Variants in VPS13A observed in about 807,000 individuals in gnomAD.
VPS13A encodes the protein vacuolar protein sorting 13 homolog A.
VPS13A carries 264 observed loss-of-function variants against 390.9 expected under a neutral mutation model. The ratio of observed to expected loss-of-function variants is 0.68; its 90% CI spans 0.61 to 0.75. The LOEUF is 0.75. Ranked by LOEUF, VPS13A falls within the 30% of genes least tolerant of loss-of-function variation. VPS13A has a pLI of 0.00. For missense variants in VPS13A, 3,409 were observed against 3,733.9 expected (o/e 0.91, Z 2.27); for synonymous variants, 1,231 against 1,227.1 (o/e 1.00, Z -0.07).
rs536693563 is a variant in VPS13A at position 77,213,712 on chromosome 9, C to T, written c.696+398C>T. Among the ~76,000 whole-genome samples, 4 of 151,858 alleles carry T rather than the reference C, an allele frequency of 2.6e-5. No individual in the cohort carries two copies. The East Asian group carries it at 7.8e-4, about 30-fold the overall frequency. ...AGACAAGGTCTCACTTTTTGTTGCC[C>T]AAATTTGTCTCAAACTCCTGGCCTC... On this transcript the variant is annotated intron_variant, in intron 9 of 71. Transcript: ENST00000360280.
At chr9:77,333,653 T>C (rs1386320157) in intron 46 of VPS13A, among the ~76,000 whole-genome samples, 2 of 151,984 alleles carry the variant, frequency 1.3e-5, no homozygotes, top group African/African-American at 4.8e-5. Flanking sequence ...ATCTAGGTAT[T>C]CTTTTAATCT....
At chr9:77,191,376 C>T (rs1824678404) in intron 1 of VPS13A, among the ~76,000 whole-genome samples, 1 of 151,480 alleles carries the variant, frequency 6.6e-6, no homozygotes, top group African/African-American at 2.4e-5. Context: ...TCACTGCAGC[C>T]TCCACCTTCC....
At chr9:77,254,126 G>T (rs1170039184) in intron 22 of VPS13A, among the ~76,000 whole-genome samples, 1 of 151,596 alleles carries the variant, frequency 6.6e-6, no homozygotes, top group African/African-American at 2.4e-5. Context: ...TGTATTTTTA[G>T]TAGAGATGGG....
At chr9:77,415,056 A>G (rs564295307) in intron 71 of VPS13A, among the ~76,000 whole-genome samples, 3 of 152,346 alleles carry the variant, frequency 2.0e-5, no homozygotes, top group Non-Finnish European at 4.4e-5. Flanking sequence ...AAAAGGAGCA[A>G]GTTACAAAGA....
In VPS13A at chr9:77,238,157, T is replaced by C. The variant is rs1824263584; in HGVS notation, c.1751T>C (p.Ile584Thr). ...GAAACTGTTTCTCAGAGGTGTATCA[T>C]AGAAGCTGAACCTTTAGAAATCATA... ...LDETVSQRCI[I>T]EAEPLEIIYD... is the part of the protein sequence containing the mutation. Residue 584 changes from isoleucine to threonine, a missense_variant, in exon 18 of 72, where the codon ATA becomes ACA. This residue lies in a region of VPS13A where 2,717 missense variants were observed against 2,917.4 expected (regional missense o/e 0.93). Coordinates refer to ENST00000360280, the MANE Select transcript of VPS13A (RefSeq NM_033305.3). 2 of 1,613,774 alleles carry C rather than the reference T, an allele frequency of 1.2e-6. No homozygotes were observed. Among genetic ancestry groups the C allele is most frequent in the East Asian group, 4.5e-5 (2 of 44,810 alleles).
chr9:77,371,925 G>C (rs1461642435), intron 67 of VPS13A, among the ~76,000 whole-genome samples: 1 of 142,792 alleles, frequency 7.0e-6, no homozygotes, highest in Non-Finnish European at 1.5e-5. Flanking sequence ...TCTTGCGATA[G>C]TTTACTGAGA....
intron 50 of VPS13A, among the ~76,000 whole-genome samples, chr9:77,342,699 T>G (rs1344344568): frequency 6.6e-6 from 1 of 152,210 alleles, no homozygotes; most frequent in East Asian, 1.9e-4. Context: ...CCAAGATATC[T>G]CATCATATAT....
intron 1 of VPS13A, among the ~76,000 whole-genome samples, chr9:77,181,252 G>A (rs748803424): frequency 6.6e-6 from 1 of 152,106 alleles, no homozygotes; most frequent in Non-Finnish European, 1.5e-5. Context: ...GCCAGGCATA[G>A]TGGCTCATGC....
chr9:77,301,222 T>C (rs1195370907), intron 33 of VPS13A, among the ~76,000 whole-genome samples: 1 of 152,172 alleles, frequency 6.6e-6, no homozygotes, highest in Non-Finnish European at 1.5e-5. Context: ...AATACAAGTA[T>C]TTATTATGGT....
intron 50 of VPS13A, among the ~76,000 whole-genome samples, chr9:77,343,364 A>T (rs12004088): frequency 8.1e-4 from 123 of 152,328 alleles, no homozygotes; most frequent in African/African-American, 2.7e-3. Context: ...CTTAGCTCTA[A>T]CAACCAGGTT....
At chr9:77,184,120 G>A (rs899616658) in intron 1 of VPS13A, among the ~76,000 whole-genome samples, 1 of 152,066 alleles carries the variant, frequency 6.6e-6, no homozygotes, top group Non-Finnish European at 1.5e-5. Context: ...AGTGTACATT[G>A]ACTGAGTTTT....
Position 77,260,191 on chromosome 9 carries a change from A to T in VPS13A, c.2394A>T (p.Val798=). 1 of 1,613,484 alleles carries T rather than the reference A, an allele frequency of 6.2e-7. No homozygotes were observed. Among genetic ancestry groups the T allele is most frequent in the Non-Finnish European group, 8.5e-7 (1 of 1,179,686 alleles). Residue 798 remains valine, a synonymous_variant, in exon 23 of 72, where the codon GTA becomes GTT. Transcript: ENST00000360280. ...LIESIPKPEP[V]TEVSAPVKSF... is the part of the protein sequence containing the mutation. The stretch of plus-strand genomic sequence containing the variant: ...AAAGCATTCCAAAACCTGAACCAGT[A>T]ACTGAAGTATCTGCCCCTGTCAAAT...
chr9:77,374,979 G>C (rs932922169), intron 67 of VPS13A, among the ~76,000 whole-genome samples: 9 of 152,038 alleles, frequency 5.9e-5, no homozygotes, highest in Admixed American at 5.9e-4. Flanking sequence ...CCATAATTGG[G>C]TGTTTCTGGT....
rs530372641 is a variant in VPS13A, at chr9:77,418,719, G to T, written c.*2713G>T. Reference sequence around the variant, plus strand: ...GGCAACTATCCTGTGGCCTCCAAGTGAATAAATCTTTCTTACACTTACTTA... The same window carrying T: ...GGCAACTATCCTGTGGCCTCCAAGTTAATAAATCTTTCTTACACTTACTTA... On this transcript the variant is annotated 3_prime_UTR_variant, in exon 72 of 72. Coordinates refer to ENST00000360280, the MANE Select transcript of VPS13A (RefSeq NM_033305.3). 17 of 151,964 alleles carry T rather than the reference G, an allele frequency of 1.1e-4. No individual in the cohort carries two copies. The highest frequency in any genetic ancestry group is 3.9e-4 in the African/African-American group (16 of 41,282). 9.4% of individuals were successfully genotyped at this position (151,964 alleles called of 1,614,324 possible). A position where few individuals can be genotyped will look rare whatever the true frequency, so the allele number is the denominator to read the frequency against.
chr9:77,240,456 G>A (rs1157746262), intron 19 of VPS13A, among the ~76,000 whole-genome samples: 2 of 147,158 alleles, frequency 1.4e-5, no homozygotes, highest in Non-Finnish European at 3.0e-5. Flanking sequence ...GCAAATCTGT[G>A]GTTTGTTTTT....
chr9:77,272,673 A>C (rs1826418263), intron 23 of VPS13A, among the ~76,000 whole-genome samples: 1 of 152,180 alleles, frequency 6.6e-6, no homozygotes, highest in South Asian at 2.1e-4. Context: ...CAAACAACTA[A>C]ATAAAAGCAA....
At chr9:77,270,268 A>G (rs1259595634) in intron 23 of VPS13A, among the ~76,000 whole-genome samples, 2 of 152,204 alleles carry the variant, frequency 1.3e-5, no homozygotes, top group Non-Finnish European at 1.5e-5. Flanking sequence ...TAAAATATGG[A>G]CGTTCAAGCT....
chr9:77,282,368 T>C lies in VPS13A; in HGVS notation c.3118+94T>C, dbSNP rs547581204. The stretch of plus-strand genomic sequence containing the variant: ...CTGACTTTATTATTAACTTCAAATA[T>C]TGGCTTCAGAATTCTGTTGCCTAGG... On this transcript the variant is annotated intron_variant, in intron 29 of 71. Coordinates refer to ENST00000360280, the MANE Select transcript of VPS13A (RefSeq NM_033305.3). 7 of 1,189,304 alleles carry C rather than the reference T, an allele frequency of 5.9e-6. No homozygotes were observed. In the South Asian group the frequency reaches 7.1e-5, roughly 12 times the overall value. The allele number at this position is 1,189,304 out of a possible 1,614,324, so 73.7% of individuals were successfully genotyped here. A position where few individuals can be genotyped will look rare whatever the true frequency, so the allele number is the denominator to read the frequency against.
rs561921318 is a variant in VPS13A, at chr9:77,366,623, C to A, written c.8326-104C>A. On this transcript the variant is annotated intron_variant, in intron 60 of 71. Coordinates refer to ENST00000360280, the MANE Select transcript of VPS13A (RefSeq NM_033305.3). Reference sequence around the variant, plus strand: ...AACATAATCCAGATAACTTTGAAATCTTATTTATGGTGTAGTGAATTTAAA... The same window carrying A: ...AACATAATCCAGATAACTTTGAAATATTATTTATGGTGTAGTGAATTTAAA... 57 of 1,015,788 alleles carry A rather than the reference C, an allele frequency of 5.6e-5. 1 individual carries two copies. In the African/African-American group the frequency reaches 7.0e-4, roughly 12 times the overall value. The allele number at this position is 1,015,788 out of a possible 1,614,324, so 62.9% of individuals were successfully genotyped here.
Sources: gnomAD v4.1 joint callset for allele counts (sites outside exome capture counted in the v4.1 genomes callset) on GRCh38, gnomAD v4.1.1 for gene constraint, gnomAD v4.1.1 regional missense constraint, MANE v1.5 for transcripts, NCBI Gene and HGNC (gene_info 2026-07-23, HGNC 2026-07-21) for gene names.